PKHD1: variants seen among roughly 807,000 people sequenced by gnomAD.
The protein encoded by PKHD1 is PKHD1 ciliary IPT domain containing fibrocystin/polyductin, also known as fibrocystin.
Under a neutral mutation model 412.0 loss-of-function variants are expected in PKHD1, and 291 were observed. The ratio of observed to expected loss-of-function variants is 0.71; its 90% confidence interval spans 0.64 to 0.78. PKHD1 has a LOEUF of 0.78. Ranked by LOEUF, PKHD1 falls within the 30% of genes least tolerant of loss-of-function variation. PKHD1 has a pLI of 0.00. For missense variants in PKHD1, 4,825 were observed against 4,950.7 expected (o/e 0.97, Z 0.76); for synonymous variants, 1,777 against 1,821.5 (o/e 0.98, Z 0.62).
intron 35 of PKHD1, among the ~76,000 whole-genome samples, chr6:51,990,551 C>T (rs955952900): frequency 6.6e-6 from 1 of 152,148 alleles, no homozygotes. Context: ...AAGAATCTTG[C>T]TCTTTGTACC....
intron 43 of PKHD1, among the ~76,000 whole-genome samples, chr6:51,901,086 C>T (rs1001012141): frequency 6.6e-6 from 1 of 152,110 alleles, no homozygotes; most frequent in Non-Finnish European, 1.5e-5. Flanking sequence ...TAAACTAGTT[C>T]AACCATTGTG....
At chr6:51,973,525 C>T (rs1195302284) in intron 35 of PKHD1, among the ~76,000 whole-genome samples, 1 of 152,116 alleles carries the variant, frequency 6.6e-6, no homozygotes, top group African/African-American at 2.4e-5. Flanking sequence ...CAGTTTTTTC[C>T]CAGGAAGTCC....
intron 60 of PKHD1, among the ~76,000 whole-genome samples, chr6:51,741,371 T>G (rs1230444405): frequency 1.3e-5 from 2 of 152,202 alleles, no homozygotes; most frequent in African/African-American, 4.8e-5. Flanking sequence ...TTTCTTTTGA[T>G]AATTTTGGTA....
At chr6:51,781,011 C>A (rs778543091) in intron 53 of PKHD1, among the ~76,000 whole-genome samples, 1 of 152,104 alleles carries the variant, frequency 6.6e-6, no homozygotes, top group Non-Finnish European at 1.5e-5. Flanking sequence ...ACATTTTTCC[C>A]TTGTCCTCAG....
Position 51,831,161 on chromosome 6 carries a change from C to G in PKHD1, c.8174-172G>C, listed in dbSNP as rs73442318. On this transcript the variant is annotated intron_variant, in intron 51 of 66. Transcript: ENST00000371117. ...TTAAAAAGCAAGTAATTATTCAATCCTTAGATTACCTTCACTTCTGAAAAA... is the reference window on the plus strand; with the variant it reads ...TTAAAAAGCAAGTAATTATTCAATCGTTAGATTACCTTCACTTCTGAAAAA... Among the ~76,000 whole-genome samples the G allele has an allele frequency of 0.1, 15,470 of 152,008 alleles. 864 individuals are homozygous for G. The highest frequency in any genetic ancestry group is 0.15 in the East Asian group (777 of 5,162).
At chr6:51,745,298 C>G (rs542873474) in intron 59 of PKHD1, among the ~76,000 whole-genome samples, 1 of 152,166 alleles carries the variant, frequency 6.6e-6, no homozygotes, top group South Asian at 2.1e-4. Context: ...AGAAGTGTGG[C>G]CTTTGGGAAG....
chr6:51,674,718 C>A lies in PKHD1; in HGVS notation c.10157-14749G>T, dbSNP rs115188269. Among the ~76,000 whole-genome samples the A allele has an allele frequency of 3.2e-3, 483 of 152,274 alleles. 1 individual carries two copies. The highest frequency in any genetic ancestry group is 0.011 in the African/African-American group (464 of 41,544). ...TCCTGTGAGAAAGGGGCTGTAATAA[C>A]TAGAAGTTCTCTCTGCACAATTTAT... On this transcript the variant is annotated intron_variant, in intron 60 of 66. Coordinates refer to ENST00000371117, the MANE Select transcript of PKHD1 (RefSeq NM_138694.4).
chr6:51,987,167 A>T (rs549987217), intron 35 of PKHD1, among the ~76,000 whole-genome samples: 1 of 152,240 alleles, frequency 6.6e-6, no homozygotes, highest in Non-Finnish European at 1.5e-5. Flanking sequence ...CTCAGAGTCC[A>T]GTTGTTTTCT....
intron 35 of PKHD1, among the ~76,000 whole-genome samples, chr6:51,960,606 C>T (rs759907387): frequency 2.6e-5 from 4 of 152,154 alleles, no homozygotes; most frequent in Non-Finnish European, 4.4e-5. Context: ...TCCTCCCACT[C>T]GGCCTTTTTT....
At chr6:51,801,300 A>T (rs1167576752) in intron 52 of PKHD1, among the ~76,000 whole-genome samples, 1 of 152,192 alleles carries the variant, frequency 6.6e-6, no homozygotes, top group Non-Finnish European at 1.5e-5. Flanking sequence ...GATGAACATG[A>T]TTGAAAATTA....
chr6:52,019,033 G>A (rs1266016015), intron 33 of PKHD1, among the ~76,000 whole-genome samples: 1 of 151,868 alleles, frequency 6.6e-6, no homozygotes, highest in East Asian at 1.9e-4. Context: ...ATTTTTTTCT[G>A]AGTCATGACC....
At chr6:52,017,043 G>A (rs575919178) in intron 34 of PKHD1, among the ~76,000 whole-genome samples, 41 of 152,240 alleles carry the variant, frequency 2.7e-4, no homozygotes, top group Middle Eastern at 3.4e-3. Context: ...AATCTGTTTG[G>A]AAAGAAAAGA....
At chr6:51,698,130 T>C (rs867129107) in intron 60 of PKHD1, among the ~76,000 whole-genome samples, 7 of 152,198 alleles carry the variant, frequency 4.6e-5, no homozygotes, top group Non-Finnish European at 1.0e-4. Flanking sequence ...ACTAAACAGG[T>C]CTGAACAGCC....
intron 52 of PKHD1, among the ~76,000 whole-genome samples, chr6:51,802,125 C>T (rs1168666326): frequency 6.6e-6 from 1 of 152,144 alleles, no homozygotes; most frequent in Non-Finnish European, 1.5e-5. Context: ...AGAGACGGTG[C>T]TATGCTACTG....
intron 52 of PKHD1, among the ~76,000 whole-genome samples, chr6:51,800,274 T>C (rs1266199853): frequency 6.6e-6 from 1 of 152,192 alleles, no homozygotes. Flanking sequence ...GGTCTTTTTT[T>C]CCTGAAAGTG....
At chr6:51,642,632 G>T (rs1357338646) in intron 63 of PKHD1, among the ~76,000 whole-genome samples, 1 of 152,166 alleles carries the variant, frequency 6.6e-6, no homozygotes, top group Non-Finnish European at 1.5e-5. Flanking sequence ...CTGAGGTCAG[G>T]ATTTCGAGAC....
At chr6:51,970,696 T>A (rs1198003015) in intron 35 of PKHD1, among the ~76,000 whole-genome samples, 1 of 152,164 alleles carries the variant, frequency 6.6e-6, no homozygotes, top group East Asian at 1.9e-4. Flanking sequence ...CGCACACTTA[T>A]CGAGTAGGGT....
intron 60 of PKHD1, among the ~76,000 whole-genome samples, chr6:51,665,919 G>T (rs1194794806): frequency 6.6e-6 from 1 of 152,158 alleles, no homozygotes; most frequent in Non-Finnish European, 1.5e-5. Flanking sequence ...AAGGAGGGCA[G>T]AGAGTGTAAG....
In PKHD1 at chr6:52,054,041, T is replaced by C; in HGVS notation, c.1961A>G (p.Glu654Gly). Residue 654 changes from glutamate to glycine, a missense_variant, in exon 20 of 67, where the codon GAG becomes GGG. Physicochemically the swap from Glu to Gly is moderately conservative, Grantham distance 98 (BLOSUM62 -2). Coordinates refer to ENST00000371117, the MANE Select transcript of PKHD1 (RefSeq NM_138694.4). Reference sequence around the variant, plus strand: ...CGCCTCCCCACCGATTAGCTACCTCTCGGGGCTGGTCCTCGTGAGACTCCA... The same window carrying C: ...CGCCTCCCCACCGATTAGCTACCTCCCGGGGCTGGTCCTCGTGAGACTCCA... ...CDWSLTRTSPESWQFDCTDLW... is the reference protein window; with the variant it reads ...CDWSLTRTSPGSWQFDCTDLW... The C allele has an allele frequency of 6.2e-7, 1 of 1,613,862 alleles. No homozygotes were observed. The highest frequency in any genetic ancestry group is 8.5e-7 in the Non-Finnish European group (1 of 1,179,818).
Sources: gnomAD v4.1 joint callset for allele counts (sites outside exome capture counted in the v4.1 genomes callset) on GRCh38, gnomAD v4.1.1 for gene constraint, MANE v1.5 for transcripts, NCBI Gene and HGNC (gene_info 2026-07-23, HGNC 2026-07-21) for gene names.